The following CREBL2 variants were observed in gnomAD, a reference collection of about 807,000 sequenced individuals.
The protein encoded by CREBL2 is cAMP-responsive element-binding protein-like 2.
In CREBL2, 4 loss-of-function variants were observed where a neutral mutation model predicts 19.5. The observed-to-expected ratio is 0.20, with a 90% CI of 0.10 to 0.47. The LOEUF is 0.47. Ranked by LOEUF, CREBL2 falls within the 20% of genes least tolerant of loss-of-function variation. CREBL2 has a pLI of 0.98. For synonymous variants in CREBL2, 42 were observed against 46.6 expected (o/e 0.90, Z 0.40); for missense variants, 85 against 145.1 (o/e 0.59, Z 2.13).
chr12:12,615,417 G>C (rs1299212027), intron 1 of CREBL2: 1 of 151,730 alleles, frequency 6.6e-6, no homozygotes, highest in Non-Finnish European at 1.5e-5. Flanking sequence ...GGCTGGTCTG[G>C]AACTCCTGAC....
At chr12:12,630,286 A>G (rs1380869157) in intron 1 of CREBL2, among the ~76,000 whole-genome samples, 1 of 152,108 alleles carries the variant, frequency 6.6e-6, no homozygotes, top group African/African-American at 2.4e-5. Context: ...ATTGCTATAG[A>G]TCTAATTCAG....
intron 1 of CREBL2, among the ~76,000 whole-genome samples, chr12:12,628,906 C>A (rs773165195): frequency 6.6e-6 from 1 of 152,226 alleles, no homozygotes; most frequent in African/African-American, 2.4e-5. Flanking sequence ...TGCTTTGGCA[C>A]CTTGTCAAAA....
chr12:12,617,643 C>CTTTTTTTTTTTTTTTTTTTTTT lies in CREBL2; in HGVS notation c.15+5473_15+5494dup, dbSNP rs66943066. ...CCCTGAGATGCTCATTTTAGTAATT[C>CTTTTTTTTTTTTTTTTTTTTTT]TTTTTTTTTTTTTTTTTTTTTTTTT... On this transcript the variant is annotated intron_variant, in intron 1 of 3. Coordinates refer to ENST00000228865, the MANE Select transcript of CREBL2 (RefSeq NM_001310.4). Among the ~76,000 whole-genome samples, 37 of 38,768 alleles carry CTTTTTTTTTTTTTTTTTTTTTT rather than the reference C, an allele frequency of 9.5e-4. 13 individuals carry two copies. Among genetic ancestry groups the CTTTTTTTTTTTTTTTTTTTTTT allele is most frequent in the Non-Finnish European group, 1.5e-3 (28 of 18,568 alleles). 25.4% of individuals were successfully genotyped at this position (38,768 alleles called of 152,430 possible).
intron 1 of CREBL2, among the ~76,000 whole-genome samples, chr12:12,613,483 A>G (rs549139192): frequency 6.6e-6 from 1 of 152,154 alleles, no homozygotes; most frequent in African/African-American, 2.4e-5. Flanking sequence ...AAAATTTCCA[A>G]CTTCTCTGTG....
At chr12:12,619,947 A>G (rs1045855664) in intron 1 of CREBL2, among the ~76,000 whole-genome samples, 3 of 152,176 alleles carry the variant, frequency 2.0e-5, no homozygotes, top group Non-Finnish European at 2.9e-5. Flanking sequence ...CCCTCTGCCA[A>G]AGTCTTCTGA....
chr12:12,621,600 C>G (rs2136301047), intron 1 of CREBL2, among the ~76,000 whole-genome samples: 1 of 150,998 alleles, frequency 6.6e-6, no homozygotes, highest in Middle Eastern at 3.6e-3. Context: ...TAACCCTGAG[C>G]TACAGCGTAA....
intron 3 of CREBL2, 99 bp downstream of exon 3, chr12:12,637,813 G>T: frequency 7.7e-7 from 1 of 1,305,018 alleles, no homozygotes; most frequent in Admixed American, 2.4e-5. Flanking sequence ...GGCCGAGGTG[G>T]GCAGATCGCT....
In CREBL2 at chr12:12,644,933, G is replaced by A. The variant is rs1341887266; in HGVS notation, c.*2935G>A. On this transcript the variant is annotated 3_prime_UTR_variant, in exon 4 of 4. Transcript: ENST00000228865. The stretch of plus-strand genomic sequence containing the variant: ...CATTACATATTTAGTTTTAAAAGGA[G>A]GAGTCACCTTGAATTATTTTCTGAG... The A allele has an allele frequency of 9.9e-5, 15 of 152,168 alleles. No homozygotes were observed. Among genetic ancestry groups the A allele is most frequent in the Admixed American group, 9.2e-4 (14 of 15,282 alleles). The allele number at this position is 152,168 out of a possible 1,614,324, so 9.4% of individuals were successfully genotyped here.
At chr12:12,640,741 G>A (rs1945510588) in intron 3 of CREBL2, among the ~76,000 whole-genome samples, 1 of 152,208 alleles carries the variant, frequency 6.6e-6, no homozygotes, top group Non-Finnish European at 1.5e-5. Flanking sequence ...CAGGGTCCCT[G>A]AGTTTCCGCA....
chr12:12,638,688 A>G (rs1042760576), intron 3 of CREBL2, among the ~76,000 whole-genome samples: 1 of 152,174 alleles, frequency 6.6e-6, no homozygotes, highest in Non-Finnish European at 1.5e-5. Flanking sequence ...TTAAGGAATT[A>G]TACTTATTTT....
At chr12:12,624,229 A>G (rs1278877747) in intron 1 of CREBL2, among the ~76,000 whole-genome samples, 2 of 152,228 alleles carry the variant, frequency 1.3e-5, no homozygotes, top group African/African-American at 4.8e-5. Flanking sequence ...AAAATTTATT[A>G]TTTCTATAAT....
chr12:12,642,090 C>A lies in CREBL2; in HGVS notation c.*92C>A. The A allele has an allele frequency of 3.3e-6, 3 of 912,582 alleles. No homozygotes were observed. Among genetic ancestry groups the A allele is most frequent in the Non-Finnish European group, 3.4e-6 (2 of 586,738 alleles). 56.5% of individuals were successfully genotyped at this position (912,582 alleles called of 1,614,324 possible). On this transcript the variant is annotated 3_prime_UTR_variant, in exon 4 of 4. Transcript: ENST00000228865. ...AGAGTGTACTTCTTGGCTCCATTTA[C>A]TACCTACTGCTCAGTAGTCATCTCT...
At chr12:12,622,643 A>G (rs1463313012) in intron 1 of CREBL2, among the ~76,000 whole-genome samples, 3 of 152,256 alleles carry the variant, frequency 2.0e-5, no homozygotes, top group Non-Finnish European at 2.9e-5. Context: ...GGTTAGCAGC[A>G]GGAAGATGTG....
intron 1 of CREBL2, chr12:12,614,519 G>A (rs1333756426): frequency 6.5e-6 from 1 of 153,276 alleles, no homozygotes; most frequent in Non-Finnish European, 1.4e-5. Context: ...CCAGGCTGGG[G>A]TGCGTTGGTG....
intron 1 of CREBL2, 85 bp downstream of exon 1, chr12:12,612,272 C>T: frequency 6.2e-7 from 1 of 1,608,068 alleles, no homozygotes; most frequent in South Asian, 1.1e-5. Context: ...GTAGTCCACG[C>T]CAACACCCAA....
intron 2 of CREBL2, 112 bp from the exon 3 acceptor site, chr12:12,637,458 G>A (rs1456772409): frequency 3.2e-6 from 2 of 615,686 alleles, no homozygotes; most frequent in Non-Finnish European, 4.5e-6. Flanking sequence ...CTCTAGCCAT[G>A]GGAGTTCCTA....
chr12:12,614,033 G>T (rs1477324126), intron 1 of CREBL2, among the ~76,000 whole-genome samples: 4 of 117,482 alleles, frequency 3.4e-5, no homozygotes, highest in African/African-American at 1.3e-4. Flanking sequence ...CCGCTGTATC[G>T]CCCAGGCTGG....
At chr12:12,632,702 C>G (rs111410798) in intron 1 of CREBL2, 46 of 151,882 alleles carry the variant, frequency 3.0e-4, no homozygotes, top group African/African-American at 1.0e-3. Flanking sequence ...AATATATAAG[C>G]TTTTCAAAAA....
At chr12:12,641,250 A>ATTC (rs1248375488) in intron 3 of CREBL2, among the ~76,000 whole-genome samples, 3 of 58,020 alleles carry the variant, frequency 5.2e-5, no homozygotes, top group Admixed American at 2.0e-4. Flanking sequence ...TATTATTATT[A>ATTC]TTATTTTTTT....
Sources: gnomAD v4.1 joint callset for allele counts (sites outside exome capture counted in the v4.1 genomes callset) on GRCh38, gnomAD v4.1.1 for gene constraint, MANE v1.5 for transcripts, NCBI Gene and HGNC (gene_info 2026-07-23, HGNC 2026-07-21) for gene names.